Variants in AP1S3 observed in about 807,000 individuals in gnomAD.
AP1S3 encodes AP-1 complex subunit sigma-3.
AP1S3 carries 10 observed loss-of-function variants against 20.9 expected under a neutral mutation model. That is an observed-to-expected ratio of 0.48 (90% confidence interval 0.29 to 0.81). The LOEUF (loss-of-function observed/expected upper bound fraction) is 0.81. AP1S3 is among the 30% of genes least tolerant of loss of function. The probability of loss-of-function intolerance (pLI) is 0.08; values close to 1 mark genes in which losing one functional copy is unlikely to be tolerated. For synonymous variants in AP1S3, 41 were observed against 61.5 expected (o/e 0.67, Z 1.56); for missense variants, 154 against 183.8 (o/e 0.84, Z 0.94).
rs752204917 is a variant in AP1S3 at position 223,825,683 on chromosome 2, T to TG, written c.3+11764dup. On this transcript the variant is annotated intron_variant, in intron 1 of 4. Transcript: ENST00000396654. ...AATCAAGAAACAGATCTTATATTTG[T>TG]GGGGTTTTTTTTCCTATTAATAATA... Among the ~76,000 whole-genome samples, 452 of 116,464 alleles carry TG rather than the reference T, an allele frequency of 3.9e-3. 2 individuals carry two copies. Among genetic ancestry groups the TG allele is most frequent in the Non-Finnish European group, 6.9e-3 (367 of 53,014 alleles). The allele number at this position is 116,464 out of a possible 152,430, so 76.4% of individuals were successfully genotyped here.
chr2:223,764,376 G>T (rs983928852), intron 4 of AP1S3, among the ~76,000 whole-genome samples: 5 of 152,094 alleles, frequency 3.3e-5, no homozygotes, highest in African/African-American at 1.2e-4. Flanking sequence ...CATCTCATTT[G>T]GGAGGGCAGA....
intron 1 of AP1S3, among the ~76,000 whole-genome samples, chr2:223,834,364 G>A (rs1692348378): frequency 6.6e-6 from 1 of 152,058 alleles, no homozygotes; most frequent in Admixed American, 6.6e-5. Flanking sequence ...GACAAGGTGG[G>A]AATATTACAT....
At chr2:223,826,887 C>A (rs1049571172) in intron 1 of AP1S3, among the ~76,000 whole-genome samples, 1 of 152,134 alleles carries the variant, frequency 6.6e-6, no homozygotes, top group Non-Finnish European at 1.5e-5. Context: ...CAACACCCTG[C>A]ATGGTAATGA....
At chr2:223,803,374 G>C (rs1042268275) in intron 1 of AP1S3, among the ~76,000 whole-genome samples, 5 of 152,178 alleles carry the variant, frequency 3.3e-5, no homozygotes, top group African/African-American at 1.2e-4. Context: ...CACAATTTTA[G>C]TGTTACTAAA....
At position 223,758,584 on chromosome 2, in the gene AP1S3, T is replaced by C; in HGVS notation, c.*131A>G. 1 of 1,365,802 alleles carries C rather than the reference T, an allele frequency of 7.3e-7. No homozygotes were observed. The highest frequency in any genetic ancestry group is 9.5e-7 in the Non-Finnish European group (1 of 1,057,718). The allele number at this position is 1,365,802 out of a possible 1,614,324, so 84.6% of individuals were successfully genotyped here. ...ATATGTTAAACAACTTTAACTTTGTTAGTTAACAAAGAATCCCTTTAAATT... is the reference window on the plus strand; with the variant it reads ...ATATGTTAAACAACTTTAACTTTGTCAGTTAACAAAGAATCCCTTTAAATT... On this transcript the variant is annotated 3_prime_UTR_variant, in exon 5 of 5. Transcript: ENST00000396654.
chr2:223,786,230 G>C (rs1191075364), intron 1 of AP1S3, among the ~76,000 whole-genome samples: 1 of 152,208 alleles, frequency 6.6e-6, no homozygotes, highest in African/African-American at 2.4e-5. Flanking sequence ...CATAGGTAAG[G>C]ATCATTACAA....
At chr2:223,823,465 A>C (rs1019416425) in intron 1 of AP1S3, among the ~76,000 whole-genome samples, 1 of 152,238 alleles carries the variant, frequency 6.6e-6, no homozygotes, top group African/African-American at 2.4e-5. Flanking sequence ...AAGACATTAT[A>C]TTAAGTGAGA....
intron 1 of AP1S3, among the ~76,000 whole-genome samples, chr2:223,816,637 A>T (rs1691849801): frequency 6.6e-6 from 1 of 152,242 alleles, no homozygotes; most frequent in African/African-American, 2.4e-5. Context: ...CTAAAGCCTG[A>T]GGTTGTCCCA....
chr2:223,780,473 T>G (rs560546155), intron 1 of AP1S3, among the ~76,000 whole-genome samples: 1 of 150,246 alleles, frequency 6.7e-6, no homozygotes, highest in Non-Finnish European at 1.5e-5. Context: ...GGTCTTCTTT[T>G]GGAGGGCAGT....
chr2:223,769,736 A>ATTTTTTTTTTTTTTTT (rs61207667), intron 3 of AP1S3, among the ~76,000 whole-genome samples: 1 of 80,122 alleles, frequency 1.2e-5, no homozygotes, highest in Non-Finnish European at 2.2e-5. Context: ...ATGCAATCCC[A>ATTTTTTTTTTTTTTTT]TTTTTTTTTT....
intron 3 of AP1S3, among the ~76,000 whole-genome samples, chr2:223,765,697 C>T (rs2106079533): frequency 6.6e-6 from 1 of 152,300 alleles, no homozygotes; most frequent in East Asian, 1.9e-4. Context: ...CTTTGTTTCT[C>T]CTGCTCTCTG....
intron 1 of AP1S3, among the ~76,000 whole-genome samples, chr2:223,830,435 C>T (rs1406056588): frequency 4.8e-5 from 7 of 147,366 alleles, no homozygotes; most frequent in Non-Finnish European, 1.0e-4. Context: ...GCCGAGATTA[C>T]GCCACTGCAC....
intron 4 of AP1S3, among the ~76,000 whole-genome samples, chr2:223,759,088 T>C (rs1032192462): frequency 6.6e-6 from 1 of 152,038 alleles, no homozygotes; most frequent in Non-Finnish European, 1.5e-5. Flanking sequence ...GAGGCCAGCC[T>C]GGCCAACATG....
At chr2:223,775,001 C>A (rs13003765) in intron 3 of AP1S3, among the ~76,000 whole-genome samples, 98,742 of 151,580 alleles carry the variant, frequency 0.65, 32,880 homozygotes, top group East Asian at 0.81. Context: ...GTGGAAGAAA[C>A]CAAGGAGGCG....
chr2:223,755,493 C>T lies in AP1S3; in HGVS notation c.*3222G>A, dbSNP rs183366573. 6.6e-6 allele frequency among the ~76,000 whole-genome samples: 1 copy of T among 151,814 alleles called. No homozygotes were observed. The highest frequency in any genetic ancestry group is 1.9e-4 in the East Asian group (1 of 5,162). On this transcript the variant is annotated 3_prime_UTR_variant, in exon 5 of 5. Coordinates refer to ENST00000396654, the MANE Select transcript of AP1S3 (RefSeq NM_001039569.2). ...ATGTCCCTAAAATCCCTCAAATTTA[C>T]CCCACTGTGCCATATAGATATGTTT...
intron 1 of AP1S3, among the ~76,000 whole-genome samples, chr2:223,783,545 T>G (rs1691003565): frequency 2.0e-5 from 3 of 152,222 alleles, no homozygotes; most frequent in African/African-American, 7.2e-5. Context: ...CTGGGGACAC[T>G]GTTAGTCCTC....
In AP1S3 at chr2:223,822,374, T is replaced by G. The variant is rs574363605; in HGVS notation, c.3+15074A>C. 4.5e-4 allele frequency among the ~76,000 whole-genome samples: 65 copies of G among 146,002 alleles called. 1 individual carries two copies. In the South Asian group the frequency reaches 0.014, roughly 30 times the overall value. On this transcript the variant is annotated intron_variant, in intron 1 of 4. Coordinates refer to ENST00000396654, the MANE Select transcript of AP1S3 (RefSeq NM_001039569.2). ...CTCCAGCCTGAGTGACACAGTAAGA[T>G]CCTGTCTTAAAAAAAAAAATTAAAA...
intron 4 of AP1S3, among the ~76,000 whole-genome samples, chr2:223,762,569 A>G (rs1255767447): frequency 3.3e-5 from 5 of 152,112 alleles, no homozygotes; most frequent in African/African-American, 1.2e-4. Flanking sequence ...CACCACGCCC[A>G]GACAGAGGGT....
intron 1 of AP1S3, among the ~76,000 whole-genome samples, chr2:223,783,170 C>T (rs1017685854): frequency 6.6e-6 from 1 of 152,048 alleles, no homozygotes; most frequent in Non-Finnish European, 1.5e-5. Context: ...ATTGTTGGGA[C>T]AAAAGGAACA....
Sources: gnomAD v4.1 joint callset for allele counts (sites outside exome capture counted in the v4.1 genomes callset) on GRCh38, gnomAD v4.1.1 for gene constraint, MANE v1.5 for transcripts, NCBI Gene and HGNC (gene_info 2026-07-23, HGNC 2026-07-21) for gene names.